Variants in XPA observed in about 807,000 individuals in gnomAD.
The protein encoded by XPA is XPA, DNA damage recognition and repair factor.
Under a neutral mutation model 35.7 loss-of-function variants are expected in XPA, and 27 were observed. That is an observed-to-expected ratio of 0.76 (90% CI 0.56 to 1.04). The LOEUF is 1.04. XPA is among the 50% of genes least tolerant of loss of function. The pLI is 0.00. For synonymous variants in XPA, 133 were observed against 118.4 expected, an observed-to-expected ratio of 1.12 and a Z score of -0.80; for missense variants, 354 against 342.7, an observed-to-expected ratio of 1.03 and a Z score of -0.26.
chr9:97,664,973 C>T, the XPA span, among the ~76,000 whole-genome samples: 1 of 152,272 alleles, frequency 6.6e-6, no homozygotes, highest in African/African-American at 2.4e-5. Flanking sequence ...TGCCCTCATT[C>T]CCCCTAACGG....
At chr9:97,695,605 A>G (rs1239589752) in intron 1 of XPA, among the ~76,000 whole-genome samples, 1 of 152,220 alleles carries the variant, frequency 6.6e-6, no homozygotes, top group Non-Finnish European at 1.5e-5. Flanking sequence ...CTCATGCCCA[A>G]AACAAAGTCC....
At chr9:97,693,848 A>G (rs1381009241) in intron 1 of XPA, 89 bp from the exon 2 acceptor site, 3 of 1,181,332 alleles carry the variant, frequency 2.5e-6, no homozygotes, top group African/African-American at 1.5e-5. Flanking sequence ...TTTGAATTCA[A>G]TATATCTCAA....
intron 5 of XPA, among the ~76,000 whole-genome samples, chr9:97,681,517 G>C (rs1828538860): frequency 6.6e-6 from 1 of 152,092 alleles, no homozygotes; most frequent in African/African-American, 2.4e-5. Flanking sequence ...TGGGAGGAAA[G>C]TACATAGTAA....
intron 5 of XPA, among the ~76,000 whole-genome samples, chr9:97,681,800 T>G (rs1280449476): frequency 6.6e-6 from 1 of 152,180 alleles, no homozygotes; most frequent in African/African-American, 2.4e-5. Flanking sequence ...TCAGACTCCT[T>G]AAGATGCCTG....
At chr9:97,693,050 C>CT (rs201521443) in intron 2 of XPA, among the ~76,000 whole-genome samples, 5,467 of 139,598 alleles carry the variant, frequency 0.039, 105 homozygotes, top group Non-Finnish European at 0.048. Flanking sequence ...TGGAATAGGT[C>CT]TTTTTTTTTT....
the XPA span, among the ~76,000 whole-genome samples, chr9:97,664,913 G>A: frequency 6.6e-6 from 1 of 152,184 alleles, no homozygotes; most frequent in Non-Finnish European, 1.5e-5. Context: ...ATGGGGGAAA[G>A]GGGTTCTCAC....
chr9:97,678,644 CT>C (rs1008767859), intron 5 of XPA, among the ~76,000 whole-genome samples: 1 of 152,190 alleles, frequency 6.6e-6, no homozygotes, highest in Non-Finnish European at 1.5e-5. Context: ...GAAGACAGTT[CT>C]TATAACCATC....
downstream of XPA, among the ~76,000 whole-genome samples, chr9:97,670,548 C>A (rs1489410682): frequency 6.6e-6 from 1 of 152,188 alleles, no homozygotes; most frequent in Non-Finnish European, 1.5e-5. Context: ...AAGTTCAATT[C>A]TTTGAGCCTC....
At chr9:97,683,093 A>T (rs1244243695) in intron 5 of XPA, among the ~76,000 whole-genome samples, 1 of 152,312 alleles carries the variant, frequency 6.6e-6, no homozygotes, top group African/African-American at 2.4e-5. Context: ...TTATTATTTT[A>T]TCCATGTATT....
chr9:97,658,134 G>A, the XPA span, among the ~76,000 whole-genome samples: 5 of 150,868 alleles, frequency 3.3e-5, no homozygotes, highest in African/African-American at 9.8e-5. Flanking sequence ...TTGCCATTGG[G>A]GTGTCATTGG....
At chr9:97,665,735 A>T in the XPA span, among the ~76,000 whole-genome samples, 2 of 152,208 alleles carry the variant, frequency 1.3e-5, no homozygotes, top group African/African-American at 4.8e-5. Flanking sequence ...AACAGGGGTT[A>T]GAGACACCGA....
Position 97,689,554 on chromosome 9 carries a change from C to G in XPA, c.369G>C (p.Leu123Phe). Residue 123 changes from leucine to phenylalanine, a missense_variant, in exon 3 of 6, where the codon TTG (leucine) becomes TTC (phenylalanine). By Grantham distance (22) the Leu-to-Phe change is conservative (BLOSUM62 0). Transcript: ENST00000375128. ...MDSYLMNHFDLPTCDNCRDAD... is the reference protein window; with the variant it reads ...MDSYLMNHFDFPTCDNCRDAD... ...AGTACCTGCAGTTATCACAAGTTGG[C>G]AAATCAAAGTGGTTCATAAGATAAG... The G allele has an allele frequency of 6.2e-7, 1 of 1,611,698 alleles. No individual in the cohort carries two copies. The highest frequency in any genetic ancestry group is 8.5e-7 in the Non-Finnish European group (1 of 1,178,090).
intron 5 of XPA, among the ~76,000 whole-genome samples, chr9:97,682,969 G>T (rs3176706): frequency 0.094 from 14,266 of 152,136 alleles, 2,296 homozygotes; most frequent in African/African-American, 0.33. Context: ...CAGGAATTTA[G>T]TTACCATTAG....
intron 4 of XPA, among the ~76,000 whole-genome samples, chr9:97,685,256 T>G (rs1828680838): frequency 6.6e-6 from 1 of 152,236 alleles, no homozygotes; most frequent in Non-Finnish European, 1.5e-5. Flanking sequence ...AAACGTATGC[T>G]GAATTAGATT....
rs1280733684 is a variant in XPA, at chr9:97,675,290, A to G, written c.*149T>C. Reference sequence around the variant, plus strand: ...CTGAAACTTGCTTTTAAGCCATAACATACATAATTATTACTGAAGTATTAC... The same window carrying G: ...CTGAAACTTGCTTTTAAGCCATAACGTACATAATTATTACTGAAGTATTAC... On this transcript the variant is annotated 3_prime_UTR_variant, in exon 6 of 6. Coordinates refer to ENST00000375128, the MANE Select transcript of XPA (RefSeq NM_000380.4). 5 of 932,376 alleles carry G rather than the reference A, an allele frequency of 5.4e-6. No individual in the cohort carries two copies. The highest frequency in any genetic ancestry group is 3.3e-4 in the Middle Eastern group (1 of 3,016). 57.8% of individuals were successfully genotyped at this position (932,376 alleles called of 1,614,324 possible).
At chr9:97,684,112 G>A (rs1828632342) in intron 5 of XPA, among the ~76,000 whole-genome samples, 1 of 152,088 alleles carries the variant, frequency 6.6e-6, no homozygotes, top group Non-Finnish European at 1.5e-5. Flanking sequence ...CTGCAGCACC[G>A]CACGTTCATC....
chr9:97,690,477 T>A (rs1435717837), intron 2 of XPA, among the ~76,000 whole-genome samples: 1 of 152,208 alleles, frequency 6.6e-6, no homozygotes, highest in Non-Finnish European at 1.5e-5. Flanking sequence ...AACCTTCACC[T>A]CCTGGGTTCA....
chr9:97,666,617 A>C, the XPA span: 7 of 548,112 alleles, frequency 1.3e-5, no homozygotes, highest in African/African-American at 1.9e-5. Context: ...ACCAATTTGT[A>C]AGTATTGCTG....
the XPA span, chr9:97,661,204 AC>A: frequency 1.0e-6 from 1 of 980,698 alleles, no homozygotes; most frequent in Non-Finnish European, 1.4e-6. Flanking sequence ...TGTTCTTAGC[AC>A]CCCAGGTATT....
Sources: gnomAD v4.1 joint callset for allele counts (sites outside exome capture counted in the v4.1 genomes callset) on GRCh38, gnomAD v4.1.1 for gene constraint, MANE v1.5 for transcripts, NCBI Gene and HGNC (gene_info 2026-07-23, HGNC 2026-07-21) for gene names.